SCRG1: variants seen among roughly 807,000 people sequenced by gnomAD.
The protein encoded by SCRG1 is scrapie-responsive protein 1.
A neutral mutation model predicts 7.7 loss-of-function variants in SCRG1; 3 were observed. The observed-to-expected ratio is 0.39, with a 90% CI of 0.18 to 1.01. The LOEUF (loss-of-function observed/expected upper bound fraction) is 1.01, where lower values mean the gene tolerates loss of function less well. SCRG1 is among the 50% of genes least tolerant of loss of function. The pLI, the probability that SCRG1 is intolerant of heterozygous loss-of-function variation, is 0.36. For synonymous variants in SCRG1, 46 were observed against 41.2 expected (o/e 1.12, Z -0.44); for missense variants, 110 against 117.2 (o/e 0.94, Z 0.28).
intron 2 of SCRG1, among the ~76,000 whole-genome samples, chr4:173,389,329 T>A (rs1739342650): frequency 6.6e-6 from 1 of 152,062 alleles, no homozygotes; most frequent in African/African-American, 2.4e-5. Context: ...GGTCAGGATA[T>A]CGAGACCATC....
At chr4:173,477,899 G>T in the SCRG1 span, among the ~76,000 whole-genome samples, 3 of 151,950 alleles carry the variant, frequency 2.0e-5, no homozygotes, top group African/African-American at 4.8e-5. Context: ...CTCCTGAGTA[G>T]CTGGGACCAC....
chr4:173,482,679 G>A, the SCRG1 span, among the ~76,000 whole-genome samples: 1 of 151,534 alleles, frequency 6.6e-6, no homozygotes. Flanking sequence ...TTAGCCAGGT[G>A]TGGTGATGTG....
At chr4:173,411,182 C>A (rs549448987), upstream of SCRG1, among the ~76,000 whole-genome samples, 33 of 152,202 alleles carry the variant, frequency 2.2e-4, no homozygotes, top group Non-Finnish European at 2.4e-4. Flanking sequence ...TAGAACTGTG[C>A]CAGGCACCGT....
chr4:173,491,215 C>CTTT, the SCRG1 span, among the ~76,000 whole-genome samples: 11,162 of 132,524 alleles, frequency 0.084, 651 homozygotes, highest in Middle Eastern at 0.13. Flanking sequence ...CTCTCTCTCT[C>CTTT]TCTTTTTTTT....
chr4:173,482,668 CTT>C, the SCRG1 span, among the ~76,000 whole-genome samples: 18 of 151,622 alleles, frequency 1.2e-4, no homozygotes, highest in East Asian at 2.3e-3. Context: ...AAATTGAAAA[CTT>C]AGCCAGGTGT....
At position 173,387,338 on chromosome 4, in the gene SCRG1, G is replaced by A. The variant is rs1739271771; in HGVS notation, c.*1003C>T. On this transcript the variant is annotated 3_prime_UTR_variant, in exon 3 of 3. Coordinates refer to ENST00000296506, the MANE Select transcript of SCRG1 (RefSeq NM_007281.4). The stretch of plus-strand genomic sequence containing the variant: ...GAGAGTAAAATGAAATGTGCTTAAA[G>A]TTCTTGGTTTTTGTTTGTTTGTTTG... 6.6e-6 allele frequency: 1 copy of A among 152,056 alleles called. No homozygotes were observed. The highest frequency in any genetic ancestry group is 1.9e-4 in the East Asian group (1 of 5,180). 9.4% of individuals were successfully genotyped at this position (152,056 alleles called of 1,614,324 possible).
the SCRG1 span, among the ~76,000 whole-genome samples, chr4:173,432,228 GTCCTTCTTTCCTTTCT>G: frequency 1.9e-4 from 29 of 149,226 alleles, no homozygotes; most frequent in South Asian, 3.6e-3. Flanking sequence ...TACTTTACAG[GTCCTTCTTTCCTTTCT>G]TCCTTCTTTC....
At chr4:173,438,138 A>C in the SCRG1 span, among the ~76,000 whole-genome samples, 1 of 152,104 alleles carries the variant, frequency 6.6e-6, no homozygotes, top group African/African-American at 2.4e-5. Flanking sequence ...TTTTGGAGAC[A>C]GGGTCTCACG....
At chr4:173,432,625 C>T in the SCRG1 span, among the ~76,000 whole-genome samples, 7,207 of 152,230 alleles carry the variant, frequency 0.047, 219 homozygotes, top group African/African-American at 0.077. Flanking sequence ...CCGTGTGCCA[C>T]ACTCTAGGTT....
intron 2 of SCRG1, among the ~76,000 whole-genome samples, chr4:173,389,064 A>G (rs72694222): frequency 0.051 from 7,715 of 152,176 alleles, 276 homozygotes; most frequent in Middle Eastern, 0.082. Flanking sequence ...TTCAAGTCAT[A>G]CAAAAAAAAA....
chr4:173,518,378 T>G, the SCRG1 span, among the ~76,000 whole-genome samples: 4 of 152,196 alleles, frequency 2.6e-5, no homozygotes, highest in Non-Finnish European at 5.9e-5. Context: ...GAGCATTTAT[T>G]TAAAGTTACT....
At chr4:173,483,826 T>TTC in the SCRG1 span, among the ~76,000 whole-genome samples, 20 of 93,810 alleles carry the variant, frequency 2.1e-4, 7 homozygotes, top group East Asian at 1.9e-3. Flanking sequence ...ATATATAATA[T>TTC]ATATAATATA....
chr4:173,404,688 C>G (rs1218315676), intron 1 of SCRG1, among the ~76,000 whole-genome samples: 2 of 152,242 alleles, frequency 1.3e-5, no homozygotes, highest in Non-Finnish European at 2.9e-5. Flanking sequence ...AGGCAAAGTT[C>G]AGCAACTGAT....
At chr4:173,415,681 G>A in the SCRG1 span, among the ~76,000 whole-genome samples, 69 of 152,172 alleles carry the variant, frequency 4.5e-4, no homozygotes, top group Non-Finnish European at 9.0e-4. Flanking sequence ...CTTTGTTCTG[G>A]ATAGGATTGA....
chr4:173,413,990 G>A, the SCRG1 span, among the ~76,000 whole-genome samples: 4 of 152,330 alleles, frequency 2.6e-5, no homozygotes, highest in East Asian at 5.8e-4. Context: ...TGGGCAGAAT[G>A]TGTCCAAGAT....
upstream of SCRG1, among the ~76,000 whole-genome samples, chr4:173,410,378 A>AGCAGCAAGGCCATTCCT (rs546252283): frequency 1.2e-4 from 19 of 152,364 alleles, no homozygotes; most frequent in South Asian, 2.5e-3. Context: ...AGTGTTCCAT[A>AGCAGCAAGGCCATTCCT]GCAGCAAGGC....
At chr4:173,509,689 G>C in the SCRG1 span, among the ~76,000 whole-genome samples, 1 of 152,140 alleles carries the variant, frequency 6.6e-6, no homozygotes, top group Non-Finnish European at 1.5e-5. The surrounding 1 kb of genome is among the most constrained non-coding windows in gnomAD (Gnocchi z 5.7). Flanking sequence ...GCGCGGACTC[G>C]GGGTGTCGGG....
the SCRG1 span, among the ~76,000 whole-genome samples, chr4:173,415,511 T>G: frequency 6.6e-6 from 1 of 152,194 alleles, no homozygotes; most frequent in African/African-American, 2.4e-5. Flanking sequence ...TCAGTCTCTG[T>G]GCTGATGCTG....
In SCRG1 at chr4:173,384,786, G is replaced by A. The variant is rs930575850; in HGVS notation, c.*3555C>T. On this transcript the variant is annotated 3_prime_UTR_variant, in exon 3 of 3. Transcript: ENST00000296506. ...GTCAACTTTGTGCTCAGTAACGTGGGATTCACAGTAAGAACAATGATATAG... is the reference window on the plus strand; with the variant it reads ...GTCAACTTTGTGCTCAGTAACGTGGAATTCACAGTAAGAACAATGATATAG... 2 of 152,170 alleles carry A rather than the reference G, an allele frequency of 1.3e-5. No individual in the cohort carries two copies. Among genetic ancestry groups the A allele is most frequent in the African/African-American group, 2.4e-5 (1 of 41,440 alleles). 9.4% of individuals were successfully genotyped at this position (152,170 alleles called of 1,614,324 possible). A position where few individuals can be genotyped will look rare whatever the true frequency, so the allele number is the denominator to read the frequency against.
Sources: allele counts gnomAD v4.1 joint callset (sites outside exome capture counted in the v4.1 genomes callset), GRCh38; gene constraint gnomAD v4.1.1; non-coding constraint Gnocchi (gnomAD v3.1); transcripts MANE v1.5; gene names NCBI Gene and HGNC (gene_info 2026-07-23, HGNC 2026-07-21).